Variants in SLC24A3 observed in about 807,000 individuals in gnomAD.
SLC24A3 encodes sodium/potassium/calcium exchanger 3.
A neutral mutation model predicts 75.8 loss-of-function variants in SLC24A3; 28 were observed. The observed-to-expected ratio is 0.37, with a 90% CI of 0.27 to 0.51. The LOEUF (loss-of-function observed/expected upper bound fraction) is 0.51. Ranked by LOEUF, SLC24A3 falls within the 20% of genes least tolerant of loss-of-function variation. SLC24A3 has a pLI of 0.94. For synonymous variants in SLC24A3, 372 were observed against 334.1 expected, an observed-to-expected ratio of 1.11 and a Z score of -1.24; for missense variants, 663 against 847.8, an observed-to-expected ratio of 0.78 and a Z score of 2.71.
At chr20:19,303,933 A>G (rs1477248066) in intron 2 of SLC24A3, among the ~76,000 whole-genome samples, 1 of 152,162 alleles carries the variant, frequency 6.6e-6, no homozygotes, top group Non-Finnish European at 1.5e-5. Flanking sequence ...CAGGTCAAGT[A>G]TTACAACCAC....
At chr20:19,255,406 G>A (rs1982785348) in intron 1 of SLC24A3, among the ~76,000 whole-genome samples, 1 of 152,218 alleles carries the variant, frequency 6.6e-6, no homozygotes, top group South Asian at 2.1e-4. Flanking sequence ...AACCAAAGAT[G>A]ATTAAGATTT....
At chr20:19,315,656 C>T (rs1249102277) in intron 2 of SLC24A3, among the ~76,000 whole-genome samples, 1 of 152,172 alleles carries the variant, frequency 6.6e-6, no homozygotes, top group African/African-American at 2.4e-5. Flanking sequence ...TGATCAAGAA[C>T]ACAGGTGCTG....
At chr20:19,696,570 T>G in intron 13 of SLC24A3, 3 of 428,862 alleles carry the variant, frequency 7.0e-6, no homozygotes, top group Non-Finnish European at 8.3e-6. Context: ...AAAAGGCCAA[T>G]GTTTTGTTGG....
intron 6 of SLC24A3, among the ~76,000 whole-genome samples, chr20:19,591,260 C>T (rs1400655602): frequency 2.6e-5 from 4 of 152,166 alleles, no homozygotes; most frequent in Non-Finnish European, 5.9e-5. Flanking sequence ...ATACGATCTC[C>T]TGAAGTCAGA....
chr20:19,521,937 G>T (rs1372403700), intron 3 of SLC24A3, among the ~76,000 whole-genome samples: 2 of 151,622 alleles, frequency 1.3e-5, no homozygotes, highest in Non-Finnish European at 2.9e-5. Flanking sequence ...TTTTTTCATG[G>T]TCTTTCAAGG....
chr20:19,400,162 T>TCTA (rs978812100), intron 2 of SLC24A3, among the ~76,000 whole-genome samples: 19 of 152,360 alleles, frequency 1.2e-4, no homozygotes, highest in African/African-American at 3.4e-4. Flanking sequence ...GTCCTGTTTT[T>TCTA]CTACTCCTTT....
At chr20:19,583,720 G>A (rs563855154) in intron 4 of SLC24A3, among the ~76,000 whole-genome samples, 4 of 152,328 alleles carry the variant, frequency 2.6e-5, no homozygotes, top group South Asian at 4.1e-4. Context: ...CATACAGGGA[G>A]CTGCGAGCTG....
At chr20:19,377,914 T>G (rs1986113815) in intron 2 of SLC24A3, among the ~76,000 whole-genome samples, 1 of 152,160 alleles carries the variant, frequency 6.6e-6, no homozygotes, top group Non-Finnish European at 1.5e-5. Flanking sequence ...AAAGTTGTAT[T>G]GGGACACAGC....
At chr20:19,690,622 T>C (rs2032734273) in intron 12 of SLC24A3, among the ~76,000 whole-genome samples, 1 of 152,158 alleles carries the variant, frequency 6.6e-6, no homozygotes, top group South Asian at 2.1e-4. Flanking sequence ...CATGGGTAAA[T>C]GCCTTATCAG....
intron 1 of SLC24A3, among the ~76,000 whole-genome samples, chr20:19,273,196 C>A (rs1452252558): frequency 6.6e-6 from 1 of 152,202 alleles, no homozygotes; most frequent in Non-Finnish European, 1.5e-5. Context: ...CATACCTAAC[C>A]TAGGCCAGTG....
chr20:19,358,707 T>C (rs901066772), intron 2 of SLC24A3, among the ~76,000 whole-genome samples: 1 of 152,238 alleles, frequency 6.6e-6, no homozygotes, highest in African/African-American at 2.4e-5. Context: ...TTCACGTTGC[T>C]GTACAACCAT....
chr20:19,300,945 C>G (rs1984181082), intron 2 of SLC24A3, among the ~76,000 whole-genome samples: 1 of 152,148 alleles, frequency 6.6e-6, no homozygotes, highest in Admixed American at 6.5e-5. Flanking sequence ...CTGCCGGGAA[C>G]AGTTCTCCAT....
Position 19,721,017 on chromosome 20 carries a change from G to A in SLC24A3, c.1812G>A (p.Trp604Ter), listed in dbSNP as rs751632178. ...VTVFGVHLNK[W>*]QLDKKLGCGC... ...TGTTCGGCGTCCACCTGAACAAGTG[G>A]CAGCTGGACAAGAAGCTGGGCTGTG... is the stretch of plus-strand genomic sequence containing the variant. The change falls in exon 17 of 17, where the codon TGG (tryptophan) becomes TGA (stop). Residue 604 changes from tryptophan to a stop codon, truncating the protein, a stop_gained. Transcript: ENST00000328041. LOFTEE classifies it high-confidence loss of function. The A allele has an allele frequency of 6.2e-7, 1 of 1,614,052 alleles. No homozygotes were observed. The highest frequency in any genetic ancestry group is 1.7e-5 in the Admixed American group (1 of 60,012).
chr20:19,253,285 A>G (rs896690261), intron 1 of SLC24A3, among the ~76,000 whole-genome samples: 1 of 152,210 alleles, frequency 6.6e-6, no homozygotes, highest in Non-Finnish European at 1.5e-5. Flanking sequence ...GCTTGGTTGC[A>G]GGAATCTGTC....
chr20:19,678,912 G>A (rs1273577945), intron 9 of SLC24A3, among the ~76,000 whole-genome samples: 3 of 151,032 alleles, frequency 2.0e-5, no homozygotes, highest in Non-Finnish European at 4.4e-5. Context: ...ACGGAGCGGC[G>A]GGGCAAAGGC....
intron 2 of SLC24A3, among the ~76,000 whole-genome samples, chr20:19,318,076 G>C (rs745345382): frequency 6.6e-6 from 1 of 152,212 alleles, no homozygotes; most frequent in Non-Finnish European, 1.5e-5. Context: ...ACCAATGGCT[G>C]ATGGGAGGTG....
intron 2 of SLC24A3, among the ~76,000 whole-genome samples, chr20:19,447,203 G>A (rs1331544649): frequency 6.6e-6 from 1 of 152,072 alleles, no homozygotes; most frequent in African/African-American, 2.4e-5. Context: ...TAGGAGGGTG[G>A]GTGTAAAAAT....
At chr20:19,295,688 A>T (rs1984041237) in intron 2 of SLC24A3, among the ~76,000 whole-genome samples, 1 of 152,206 alleles carries the variant, frequency 6.6e-6, no homozygotes, top group African/African-American at 2.4e-5. Flanking sequence ...CCAGCCTTGC[A>T]TCAGGGATGA....
At chr20:19,323,224 A>AG (rs1487445666) in intron 2 of SLC24A3, among the ~76,000 whole-genome samples, 2 of 151,416 alleles carry the variant, frequency 1.3e-5, no homozygotes, top group Non-Finnish European at 2.9e-5. Flanking sequence ...AAAAAAAAAA[A>AG]AAGAAGAAGA....
Sources: gnomAD v4.1 joint callset for allele counts (sites outside exome capture counted in the v4.1 genomes callset) on GRCh38, gnomAD v4.1.1 for gene constraint, MANE v1.5 for transcripts, NCBI Gene and HGNC (gene_info 2026-07-23, HGNC 2026-07-21) for gene names.